COL25A1: variants seen among roughly 807,000 people sequenced by gnomAD.
COL25A1 encodes collagen type XXV alpha 1 chain, also known as collagen alpha-1(XXV) chain.
A neutral mutation model predicts 128.4 loss-of-function variants in COL25A1; 103 were observed. The ratio of observed to expected loss-of-function variants is 0.80; its 90% CI spans 0.68 to 0.94. The LOEUF (loss-of-function observed/expected upper bound fraction) is 0.94, where lower values mean the gene tolerates loss of function less well. Ranked by LOEUF, COL25A1 falls within the 40% of genes least tolerant of loss-of-function variation. COL25A1 has a pLI of 0.00. For missense variants in COL25A1, 745 were observed against 840.0 expected, an observed-to-expected ratio of 0.89 and a Z score of 1.40; for synonymous variants, 279 against 277.2, an observed-to-expected ratio of 1.01 and a Z score of -0.06.
At chr4:109,178,166 T>G (rs1014024509) in intron 3 of COL25A1, among the ~76,000 whole-genome samples, 1 of 152,332 alleles carries the variant, frequency 6.6e-6, no homozygotes, top group African/African-American at 2.4e-5. Flanking sequence ...TACATCCTTA[T>G]GCCAATCATT....
At chr4:109,231,585 A>C (rs6812733) in intron 3 of COL25A1, among the ~76,000 whole-genome samples, 58,710 of 151,992 alleles carry the variant, frequency 0.39, 12,432 homozygotes, top group African/African-American at 0.55. Flanking sequence ...GAAATCAAAC[A>C]AGGCCATTTG....
At chr4:109,211,315 TA>T (rs1777536856) in intron 3 of COL25A1, among the ~76,000 whole-genome samples, 1 of 88,860 alleles carries the variant, frequency 1.1e-5, no homozygotes, top group African/African-American at 5.5e-5. Flanking sequence ...TATATATATA[TA>T]TATATATATA....
At chr4:109,258,261 G>T (rs373743212) in intron 3 of COL25A1, among the ~76,000 whole-genome samples, 1 of 152,104 alleles carries the variant, frequency 6.6e-6, no homozygotes, top group East Asian at 1.9e-4. Context: ...AATCAAAATG[G>T]TTTTTCACTA....
intron 24 of COL25A1, among the ~76,000 whole-genome samples, chr4:108,856,714 T>G (rs565917690): frequency 6.6e-6 from 1 of 152,120 alleles, no homozygotes; most frequent in Non-Finnish European, 1.5e-5. Flanking sequence ...TTGACTATGA[T>G]GGATATTGGC....
chr4:108,939,729 C>T (rs1006889042), intron 10 of COL25A1, among the ~76,000 whole-genome samples: 5 of 151,846 alleles, frequency 3.3e-5, no homozygotes, highest in Non-Finnish European at 5.9e-5. Flanking sequence ...ATAATTTAAT[C>T]CAGTAATAAA....
intron 16 of COL25A1, among the ~76,000 whole-genome samples, chr4:108,890,503 A>T (rs901979993): frequency 3.3e-5 from 5 of 152,308 alleles, no homozygotes; most frequent in African/African-American, 1.2e-4. Context: ...AAATAAGCAG[A>T]TAGGAACTAA....
At position 108,995,772 on chromosome 4, in the gene COL25A1, G is replaced by A. The variant is rs1401172158; in HGVS notation, c.438+14586C>T. Among the ~76,000 whole-genome samples, 6 of 152,092 alleles carry A rather than the reference G, an allele frequency of 3.9e-5. No individual in the cohort carries two copies. In the South Asian group the frequency reaches 8.3e-4, roughly 21 times the overall value. On this transcript the variant is annotated intron_variant, in intron 6 of 37. Coordinates refer to ENST00000399132, the MANE Select transcript of COL25A1 (RefSeq NM_198721.4). ...CCATCAGACTAACAGTGGATCTCTC[G>A]GCAGAAACCCTATAAGCCAGAAGAG...
At chr4:109,015,271 T>A (rs1178884444) in intron 5 of COL25A1, among the ~76,000 whole-genome samples, 1 of 152,234 alleles carries the variant, frequency 6.6e-6, no homozygotes, top group Non-Finnish European at 1.5e-5. Context: ...TGAGTAGTAT[T>A]GTTCTAGTCT....
intron 3 of COL25A1, among the ~76,000 whole-genome samples, chr4:109,142,222 T>A (rs11946438): frequency 2.0e-4 from 31 of 152,314 alleles, no homozygotes; most frequent in Middle Eastern, 3.4e-3. Flanking sequence ...TCAGTTTCCA[T>A]GTAGTTGTGC....
At chr4:108,875,396 G>A (rs569244901) in intron 19 of COL25A1, among the ~76,000 whole-genome samples, 2 of 152,258 alleles carry the variant, frequency 1.3e-5, no homozygotes, top group African/African-American at 4.8e-5. Context: ...CAAAAAGTGG[G>A]CAAAGGACAT....
intron 5 of COL25A1, among the ~76,000 whole-genome samples, chr4:109,021,361 G>A (rs995692256): frequency 2.0e-5 from 3 of 152,274 alleles, no homozygotes; most frequent in Admixed American, 2.0e-4. Flanking sequence ...CAGCGGCAGA[G>A]GAACATAAAT....
At chr4:108,838,764 T>C (rs1734093284) in intron 31 of COL25A1, among the ~76,000 whole-genome samples, 3 of 152,082 alleles carry the variant, frequency 2.0e-5, no homozygotes, top group Admixed American at 2.0e-4. Context: ...AATATGAAGA[T>C]CAAAGAACTT....
intron 6 of COL25A1, among the ~76,000 whole-genome samples, chr4:108,990,289 A>T (rs1248813589): frequency 6.9e-6 from 1 of 144,162 alleles, no homozygotes; most frequent in Non-Finnish European, 1.5e-5. Context: ...AAGAATCGAT[A>T]AAAATATATA....
At chr4:109,256,881 G>T (rs1452895348) in intron 3 of COL25A1, among the ~76,000 whole-genome samples, 1 of 152,110 alleles carries the variant, frequency 6.6e-6, no homozygotes. Flanking sequence ...ATCTAAGAAG[G>T]TTAACTGAAT....
At chr4:108,951,793 C>T (rs1239964981) in intron 8 of COL25A1, among the ~76,000 whole-genome samples, 1 of 152,102 alleles carries the variant, frequency 6.6e-6, no homozygotes, top group African/African-American at 2.4e-5. Context: ...ATTAATAATC[C>T]TTCTAAGTGT....
chr4:109,026,211 G>A (rs72899076), intron 5 of COL25A1, among the ~76,000 whole-genome samples: 9,869 of 151,662 alleles, frequency 0.065, 494 homozygotes, highest in African/African-American at 0.13. Context: ...TAGGGGTAAT[G>A]TAATGTAATG....
chr4:108,976,212 T>TC (rs1478919388), intron 6 of COL25A1, among the ~76,000 whole-genome samples: 2 of 152,212 alleles, frequency 1.3e-5, no homozygotes, highest in African/African-American at 4.8e-5. Flanking sequence ...GCCAAAAACT[T>TC]CATTATTTTA....
rs905953295 is a variant in COL25A1 at position 108,811,430 on chromosome 4, T to C, written c.*2497A>G. ...CTTTGAAGGGCTGTATTTCAAAAAA[T>C]TTTTTTATACATAAAGTGTTTTTCT... is the stretch of plus-strand genomic sequence containing the variant. On this transcript the variant is annotated 3_prime_UTR_variant, in exon 38 of 38. Transcript: ENST00000399132. 6.6e-6 allele frequency: 1 copy of C among 152,072 alleles called. No homozygotes were observed. The highest frequency in any genetic ancestry group is 1.5e-5 in the Non-Finnish European group (1 of 67,962). 9.4% of individuals were successfully genotyped at this position (152,072 alleles called of 1,614,324 possible).
intron 3 of COL25A1, among the ~76,000 whole-genome samples, chr4:109,112,982 C>A (rs1394408777): frequency 6.6e-6 from 1 of 152,078 alleles, no homozygotes; most frequent in African/African-American, 2.4e-5. Context: ...TCAAGTTTAA[C>A]TCTGATTGAT....
Sources: gnomAD v4.1 joint callset for allele counts (sites outside exome capture counted in the v4.1 genomes callset) on GRCh38, gnomAD v4.1.1 for gene constraint, MANE v1.5 for transcripts, NCBI Gene and HGNC (gene_info 2026-07-23, HGNC 2026-07-21) for gene names.